Variants in CCDC178 observed in about 807,000 individuals in gnomAD.
CCDC178 encodes coiled-coil domain containing 178, also known as coiled-coil domain-containing protein 178.
A neutral mutation model predicts 117.4 loss-of-function variants in CCDC178; 126 were observed. The observed-to-expected ratio is 1.07, with a 90% CI of 0.93 to 1.24. The LOEUF (loss-of-function observed/expected upper bound fraction) is 1.24, where lower values mean the gene tolerates loss of function less well. Ranked by LOEUF, CCDC178 falls within the 50% of genes most tolerant of loss-of-function variation. The pLI is 0.00. For synonymous variants in CCDC178, 283 were observed against 313.4 expected (o/e 0.90, Z 1.02); for missense variants, 1,030 against 986.9 (o/e 1.04, Z -0.59).
Position 33,407,842 on chromosome 18 carries a change from GA to G in CCDC178, c.58+4188del, listed in dbSNP as rs796083661. On this transcript the variant is annotated intron_variant, in intron 3 of 22. Transcript: ENST00000383096. ...GAGGTAATTTTAGCCAAATACTCCA[GA>G]AAAAAAATAATAAAAATATATTATC... Among the ~76,000 whole-genome samples the G allele has an allele frequency of 8.1e-3, 1,227 of 150,844 alleles. 15 individuals are homozygous for G. The highest frequency in any genetic ancestry group is 0.028 in the African/African-American group (1,175 of 41,252).
At chr18:33,027,961 GAAAT>G (rs2056260956) in intron 21 of CCDC178, among the ~76,000 whole-genome samples, 2 of 151,618 alleles carry the variant, frequency 1.3e-5, no homozygotes, top group Non-Finnish European at 1.5e-5. Flanking sequence ...AATATATTTA[GAAAT>G]AAATCTTAAT....
intron 21 of CCDC178, among the ~76,000 whole-genome samples, chr18:33,027,130 C>T (rs2144847499): frequency 6.6e-6 from 1 of 151,804 alleles, no homozygotes; most frequent in South Asian, 2.1e-4. Flanking sequence ...TAAACTCTAG[C>T]TTTGTTGGGG....
chr18:32,995,139 A>G (rs1234901776), intron 21 of CCDC178, among the ~76,000 whole-genome samples: 2 of 152,174 alleles, frequency 1.3e-5, no homozygotes, highest in Non-Finnish European at 2.9e-5. Flanking sequence ...ATTAATCTAC[A>G]TATAGTACTG....
intron 21 of CCDC178, among the ~76,000 whole-genome samples, chr18:33,019,873 A>G (rs928375517): frequency 2.7e-5 from 4 of 150,838 alleles, no homozygotes; most frequent in Non-Finnish European, 4.4e-5. Context: ...TTGATGTGAA[A>G]ACATAGATGA....
At chr18:33,260,878 G>A (rs959211224) in intron 14 of CCDC178, among the ~76,000 whole-genome samples, 1 of 151,762 alleles carries the variant, frequency 6.6e-6, no homozygotes, top group Non-Finnish European at 1.5e-5. Flanking sequence ...TATACGTATA[G>A]GTCTGATTTT....
chr18:33,245,429 C>T lies in CCDC178; in HGVS notation c.1410-1G>A, dbSNP rs1645317323. The stretch of plus-strand genomic sequence containing the variant: ...TTCGTATTTTGATTTTTTCCGTATG[C>T]TGTAAAAGTAAAGCAAAAATTAATA... On this transcript the variant is annotated splice_acceptor_variant, in intron 14 of 22. Transcript: ENST00000383096. LOFTEE classifies it high-confidence loss of function. The T allele has an allele frequency of 2.0e-6, 3 of 1,522,564 alleles. No homozygotes were observed. Among genetic ancestry groups the T allele is most frequent in the South Asian group, 1.3e-5 (1 of 76,528 alleles). 94.3% of individuals were successfully genotyped at this position (1,522,564 alleles called of 1,614,324 possible). A position where few individuals can be genotyped will look rare whatever the true frequency, so the allele number is the denominator to read the frequency against.
chr18:32,946,922 G>A (rs900669686), intron 22 of CCDC178, among the ~76,000 whole-genome samples: 9 of 151,806 alleles, frequency 5.9e-5, no homozygotes, highest in East Asian at 1.9e-4. Context: ...TGGGACTACC[G>A]GCACGCACCA....
chr18:33,103,699 A>T (rs1387392856), intron 20 of CCDC178, among the ~76,000 whole-genome samples: 2 of 151,636 alleles, frequency 1.3e-5, no homozygotes, highest in African/African-American at 4.8e-5. Flanking sequence ...AAATGTGTCT[A>T]CCCCACGCCT....
chr18:33,325,189 GTTCT>G (rs1252761259), intron 10 of CCDC178, among the ~76,000 whole-genome samples: 4 of 151,700 alleles, frequency 2.6e-5, no homozygotes, highest in African/African-American at 7.2e-5. Context: ...GTGTGAAATA[GTTCT>G]TTATTTAAAT....
At chr18:32,938,814 A>G (rs955099940) in intron 22 of CCDC178, among the ~76,000 whole-genome samples, 1 of 152,190 alleles carries the variant, frequency 6.6e-6, no homozygotes, top group Non-Finnish European at 1.5e-5. Context: ...TATCTATTGC[A>G]AAGTATTTTT....
At chr18:33,220,992 T>C (rs2059226437) in intron 18 of CCDC178, among the ~76,000 whole-genome samples, 2 of 152,064 alleles carry the variant, frequency 1.3e-5, no homozygotes, top group Non-Finnish European at 2.9e-5. Context: ...CACAAAGCCC[T>C]GCGTACCAGA....
chr18:33,029,161 A>C (rs1249017865), intron 21 of CCDC178, among the ~76,000 whole-genome samples: 2 of 151,898 alleles, frequency 1.3e-5, no homozygotes, highest in African/African-American at 4.8e-5. Context: ...ATTTTCTTCG[A>C]AAAGTTTTGA....
At chr18:33,033,340 T>C (rs188912054) in intron 21 of CCDC178, among the ~76,000 whole-genome samples, 203 of 152,232 alleles carry the variant, frequency 1.3e-3, no homozygotes, top group African/African-American at 4.7e-3. Flanking sequence ...GTTTAGCCTA[T>C]GTCGCCTCCA....
chr18:33,067,983 A>T (rs2057046623), intron 21 of CCDC178, among the ~76,000 whole-genome samples: 1 of 152,130 alleles, frequency 6.6e-6, no homozygotes, highest in Admixed American at 6.5e-5. Flanking sequence ...TCAGAAATCA[A>T]AAAGGAGACA....
intron 21 of CCDC178, among the ~76,000 whole-genome samples, chr18:33,056,832 T>C (rs2056838388): frequency 6.6e-6 from 1 of 152,130 alleles, no homozygotes; most frequent in African/African-American, 2.4e-5. Context: ...TTCCAGTTTA[T>C]AGACCATTAT....
chr18:33,021,525 T>C (rs985706368), intron 21 of CCDC178, among the ~76,000 whole-genome samples: 3 of 152,114 alleles, frequency 2.0e-5, no homozygotes, highest in African/African-American at 7.2e-5. Context: ...TGGCGAACAC[T>C]GTTTCTACTA....
At chr18:33,362,046 C>G (rs1046194265) in intron 6 of CCDC178, among the ~76,000 whole-genome samples, 9 of 151,702 alleles carry the variant, frequency 5.9e-5, no homozygotes, top group African/African-American at 2.2e-4. Flanking sequence ...GATATGGAAA[C>G]AACCTGAATG....
At chr18:33,035,741 A>G (rs1374508396) in intron 21 of CCDC178, among the ~76,000 whole-genome samples, 1 of 152,000 alleles carries the variant, frequency 6.6e-6, no homozygotes, top group Non-Finnish European at 1.5e-5. Flanking sequence ...GGTAATCATT[A>G]CATATTGCAT....
chr18:33,176,380 C>T (rs1684942826), intron 20 of CCDC178, among the ~76,000 whole-genome samples: 1 of 152,006 alleles, frequency 6.6e-6, no homozygotes, highest in Admixed American at 6.6e-5. Flanking sequence ...ACCAATCATC[C>T]CATTTTGTAA....
Sources: allele counts gnomAD v4.1 joint callset (sites outside exome capture counted in the v4.1 genomes callset), GRCh38; gene constraint gnomAD v4.1.1; transcripts MANE v1.5; gene names NCBI Gene and HGNC (gene_info 2026-07-23, HGNC 2026-07-21).